The following KIF16B variants were observed in gnomAD, a reference collection of about 807,000 sequenced individuals.
KIF16B encodes kinesin family member 16B.
Under a neutral mutation model 156.3 loss-of-function variants are expected in KIF16B, and 98 were observed. That is an observed-to-expected ratio of 0.63 (90% confidence interval 0.53 to 0.74). The LOEUF is 0.74. Ranked by LOEUF, KIF16B falls within the 30% of genes least tolerant of loss-of-function variation. The pLI is 0.00. For missense variants in KIF16B, 1,421 were observed against 1,606.5 expected (o/e 0.88, Z 1.97); for synonymous variants, 564 against 583.7 (o/e 0.97, Z 0.49).
At chr20:16,526,299 C>A (rs968129327) in intron 2 of KIF16B, 94 bp from the exon 3 acceptor site, 1 of 551,068 alleles carries the variant, frequency 1.8e-6, no homozygotes, top group Admixed American at 2.9e-5. Context: ...AAAACCATTT[C>A]ATTCCTGCTG....
intron 12 of KIF16B, among the ~76,000 whole-genome samples, chr20:16,456,702 A>C (rs192437077): frequency 6.6e-6 from 1 of 152,248 alleles, no homozygotes; most frequent in Admixed American, 6.5e-5. Flanking sequence ...TTACAACGCT[A>C]TGCTCTACTA....
At chr20:16,297,772 CTCA>C (rs999272761) in intron 25 of KIF16B, among the ~76,000 whole-genome samples, 14 of 151,756 alleles carry the variant, frequency 9.2e-5, no homozygotes, top group African/African-American at 3.4e-4. Context: ...GTCCCCAGGT[CTCA>C]TTCAGTTGAA....
intron 24 of KIF16B, among the ~76,000 whole-genome samples, chr20:16,316,001 C>T (rs958909566): frequency 1.3e-5 from 2 of 152,224 alleles, no homozygotes; most frequent in African/African-American, 4.8e-5. Flanking sequence ...TCAACTGCAA[C>T]GTGAGTGAAT....
chr20:16,428,925 G>C (rs1202866819), intron 14 of KIF16B, 28 bp downstream of exon 14: 2 of 1,597,322 alleles, frequency 1.3e-6, no homozygotes, highest in Admixed American at 3.3e-5. Context: ...AAAATCATTG[G>C]GAACAGATCA....
chr20:16,444,157 A>C (rs1433079905), intron 12 of KIF16B, among the ~76,000 whole-genome samples: 2 of 152,242 alleles, frequency 1.3e-5, no homozygotes, highest in Admixed American at 1.3e-4. Flanking sequence ...TAGTTAAAAA[A>C]CTATTTACAT....
At chr20:16,337,850 C>T (rs1303179604) in intron 23 of KIF16B, among the ~76,000 whole-genome samples, 2 of 152,210 alleles carry the variant, frequency 1.3e-5, no homozygotes, top group African/African-American at 4.8e-5. Context: ...GGCCCTGCTG[C>T]CTTCCAACAG....
At chr20:16,545,272 T>C (rs1310252665) in intron 1 of KIF16B, among the ~76,000 whole-genome samples, 5 of 152,106 alleles carry the variant, frequency 3.3e-5, no homozygotes, top group African/African-American at 1.2e-4. Context: ...GGCACACACC[T>C]GTAATCCCAG....
chr20:16,503,935 C>A (rs2068698956), intron 10 of KIF16B, among the ~76,000 whole-genome samples: 1 of 152,162 alleles, frequency 6.6e-6, no homozygotes, highest in South Asian at 2.1e-4. Context: ...ACCAGAACCA[C>A]CTCTCTAATA....
chr20:16,273,177 T>TG lies in KIF16B; in HGVS notation c.*75dup. Reference sequence around the variant, plus strand: ...GAGGAGGCAGACCCGGATCCTCGCATGGGGGAGCTGCCCTGCATCGGAGCC... The same window carrying TG: ...GAGGAGGCAGACCCGGATCCTCGCATGGGGGGAGCTGCCCTGCATCGGAGCC... On this transcript the variant is annotated 3_prime_UTR_variant, in exon 26 of 26. Coordinates refer to ENST00000354981, the MANE Select transcript of KIF16B (RefSeq NM_024704.5). The TG allele has an allele frequency of 1.5e-6, 2 of 1,298,104 alleles. No homozygotes were observed. Among genetic ancestry groups the TG allele is most frequent in the South Asian group, 1.3e-5 (1 of 79,946 alleles). 80.4% of individuals were successfully genotyped at this position (1,298,104 alleles called of 1,614,324 possible). A position where few individuals can be genotyped will look rare whatever the true frequency, so the allele number is the denominator to read the frequency against.
chr20:16,495,966 C>T (rs2146946379), intron 11 of KIF16B, among the ~76,000 whole-genome samples: 1 of 152,294 alleles, frequency 6.6e-6, no homozygotes, highest in South Asian at 2.1e-4. Flanking sequence ...GCTGAGATTA[C>T]AGGTGTGAGC....
rs1454135343 is a variant in KIF16B at position 16,501,328 on chromosome 20, C to CTTGGTTCAATACCAAGAATTGAAT, written c.1176+3020_1176+3043dup. Among the ~76,000 whole-genome samples, 6 of 84,360 alleles carry CTTGGTTCAATACCAAGAATTGAAT rather than the reference C, an allele frequency of 7.1e-5. 1 individual carries two copies. In the South Asian group the frequency reaches 1.2e-3, roughly 17 times the overall value. The allele number at this position is 84,360 out of a possible 152,430, so 55.3% of individuals were successfully genotyped here. A position where few individuals can be genotyped will look rare whatever the true frequency, so the allele number is the denominator to read the frequency against. On this transcript the variant is annotated intron_variant, in intron 10 of 25. Coordinates refer to ENST00000354981, the MANE Select transcript of KIF16B (RefSeq NM_024704.5). The stretch of plus-strand genomic sequence containing the variant: ...TTGGTTCAATACCAAGAATTGAATT[C>CTTGGTTCAATACCAAGAATTGAAT]TTGGTTCAATACCAAGAATTGAATT...
chr20:16,481,730 G>C (rs73241906), intron 12 of KIF16B, among the ~76,000 whole-genome samples: 4 of 152,158 alleles, frequency 2.6e-5, no homozygotes, highest in African/African-American at 9.7e-5. Context: ...AATTCTTTCA[G>C]GGAGAATTCA....
intron 12 of KIF16B, among the ~76,000 whole-genome samples, chr20:16,460,015 T>C (rs1003327732): frequency 6.6e-6 from 1 of 152,216 alleles, no homozygotes; most frequent in Non-Finnish European, 1.5e-5. Flanking sequence ...GGAGTATTAC[T>C]GTGGGTAAAA....
chr20:16,302,310 T>C (rs929206698), intron 25 of KIF16B, among the ~76,000 whole-genome samples: 7 of 152,238 alleles, frequency 4.6e-5, no homozygotes, highest in African/African-American at 1.7e-4. Flanking sequence ...ATAAGGTCTG[T>C]GTCTAGATTG....
At chr20:16,290,811 A>G (rs1384037931) in intron 25 of KIF16B, among the ~76,000 whole-genome samples, 1 of 152,166 alleles carries the variant, frequency 6.6e-6, no homozygotes, top group Non-Finnish European at 1.5e-5. Flanking sequence ...AGGCCTGAAT[A>G]TGTCAGGGAA....
At chr20:16,502,168 A>C (rs1360502274) in intron 10 of KIF16B, among the ~76,000 whole-genome samples, 1 of 152,188 alleles carries the variant, frequency 6.6e-6, no homozygotes, top group East Asian at 1.9e-4. Flanking sequence ...GAAAATTATT[A>C]AAAGTAGAAG....
intron 23 of KIF16B, among the ~76,000 whole-genome samples, chr20:16,347,640 T>A (rs1308588962): frequency 3.3e-5 from 5 of 152,182 alleles, no homozygotes; most frequent in Non-Finnish European, 5.9e-5. Flanking sequence ...ATAAATTTTT[T>A]AAAAATCCTA....
intron 1 of KIF16B, among the ~76,000 whole-genome samples, chr20:16,564,520 G>C (rs1161044895): frequency 6.6e-6 from 1 of 152,088 alleles, no homozygotes; most frequent in Non-Finnish European, 1.5e-5. Flanking sequence ...TGTGAGGTGG[G>C]GGGAGAGGGG....
chr20:16,549,691 C>T (rs550440218), intron 1 of KIF16B, among the ~76,000 whole-genome samples: 2 of 147,168 alleles, frequency 1.4e-5, no homozygotes, highest in African/African-American at 5.1e-5. Context: ...GAAATAACGC[C>T]GCATACCTAC....
Sources: allele counts gnomAD v4.1 joint callset (sites outside exome capture counted in the v4.1 genomes callset), GRCh38; gene constraint gnomAD v4.1.1; transcripts MANE v1.5; gene names NCBI Gene and HGNC (gene_info 2026-07-23, HGNC 2026-07-21).